Variants in SRCAP observed in about 807,000 individuals in gnomAD.
The protein encoded by SRCAP is chromatin remodeling protein SRCAP.
Under a neutral mutation model 263.1 loss-of-function variants are expected in SRCAP, and 46 were observed. The observed-to-expected ratio is 0.17, with a 90% CI of 0.14 to 0.22. The LOEUF (loss-of-function observed/expected upper bound fraction) is 0.22, where lower values mean the gene tolerates loss of function less well. Ranked by LOEUF, SRCAP falls within the 10% of genes least tolerant of loss-of-function variation. The probability of loss-of-function intolerance (pLI) is 1.00; values close to 1 mark genes in which losing one functional copy is unlikely to be tolerated. For missense variants in SRCAP, 3,695 were observed against 4,181.9 expected, an observed-to-expected ratio of 0.88 and a Z score of 3.21; for synonymous variants, 1,813 against 1,662.1, an observed-to-expected ratio of 1.09 and a Z score of -2.21.
Position 30,740,000 on chromosome 16 carries a change from T to G in SRCAP, c.*267T>G. 6 of 347,520 alleles carry G rather than the reference T, an allele frequency of 1.7e-5. No individual in the cohort carries two copies. Among genetic ancestry groups the G allele is most frequent in the Non-Finnish European group, 2.5e-5 (5 of 198,630 alleles). The allele number at this position is 347,520 out of a possible 1,614,324, so 21.5% of individuals were successfully genotyped here. A position where few individuals can be genotyped will look rare whatever the true frequency, so the allele number is the denominator to read the frequency against. On this transcript the variant is annotated 3_prime_UTR_variant, in exon 34 of 34. Transcript: ENST00000262518. ...TCTGTCCCCACCCCCTTGTACTTGA[T>G]TCCCCAGCTGTCTTTCACACAGCCC...
At position 30,734,524 on chromosome 16, in the gene SRCAP, C is replaced by A. The variant is rs2053141541; in HGVS notation, c.6638C>A (p.Pro2213His). The A allele has an allele frequency of 6.2e-7, 1 of 1,613,764 alleles. No homozygotes were observed. Among genetic ancestry groups the A allele is most frequent in the South Asian group, 1.1e-5 (1 of 91,072 alleles). The change falls in exon 31 of 34, where the codon CCC (proline) becomes CAC (histidine). Residue 2213 changes from proline (P) to histidine (H), a missense_variant. Pro to His is a moderately conservative substitution (Grantham distance 77, BLOSUM62 -2). Transcript: ENST00000262518. ...ACCATCCGAGAGCTGTTTGATATGC[C>A]CCTGGAGGAACCTTCTAGCTCATCC... Reference protein sequence around the residue: ...QQTIRELFDMPLEEPSSSSVP... With the variant: ...QQTIRELFDMHLEEPSSSSVP...
Position 30,709,002 on chromosome 16 carries a change from G to A in SRCAP, c.634-511G>A, listed in dbSNP as rs574311834. Among the ~76,000 whole-genome samples the A allele has an allele frequency of 3.6e-3, 547 of 151,970 alleles. 4 individuals are homozygous for A. Among genetic ancestry groups the A allele is most frequent in the Non-Finnish European group, 3.8e-3 (259 of 67,960 alleles). ...CCTGGCTAATTTTTTATTTTTAGTA[G>A]AGATGGGGGTTTCACCATGTCGGTC... On this transcript the variant is annotated intron_variant, in intron 6 of 33. Coordinates refer to ENST00000262518, the MANE Select transcript of SRCAP (RefSeq NM_006662.3).
chr16:30,712,609 G>A (rs2052903951), intron 13 of SRCAP, 70 bp from the exon 14 acceptor site: 2 of 1,605,502 alleles, frequency 1.2e-6, no homozygotes, highest in Non-Finnish European at 1.7e-6. Context: ...GGGTGGCCAG[G>A]GTTATAACTG....
In SRCAP at chr16:30,709,955, A is replaced by G. The variant is rs781221343; in HGVS notation, c.961A>G (p.Ile321Val). ...TGATGCAGAGGCCCAGAGGCGTGAG[A>G]TTGAGCTGCTTCGCCGTGAGGGAGA... ...GNDAEAQRRE[I>V]ELLRREGELP... Residue 321 changes from isoleucine (I) to valine (V), a missense_variant, in exon 8 of 34, where the codon ATT (isoleucine) becomes GTT (valine). Physicochemically the swap from Ile to Val is conservative, Grantham distance 29. This residue lies in a region of SRCAP where 30 missense variants were observed against 54.1 expected (regional missense o/e 0.55). Transcript: ENST00000262518. The G allele has an allele frequency of 5.0e-6, 8 of 1,614,070 alleles. No individual in the cohort carries two copies.
chr16:30,715,551 C>T (rs1365586038), intron 16 of SRCAP, among the ~76,000 whole-genome samples: 2 of 148,238 alleles, frequency 1.3e-5, no homozygotes, highest in African/African-American at 2.5e-5. Flanking sequence ...GGTGACAGAG[C>T]GCAACTTTGT....
At position 30,713,306 on chromosome 16, in the gene SRCAP, C is replaced by T. The variant is rs781030128; in HGVS notation, c.2229C>T (p.Leu743=). The T allele has an allele frequency of 1.2e-6, 2 of 1,614,160 alleles. No homozygotes were observed. The highest frequency in any genetic ancestry group is 2.2e-5 in the South Asian group (2 of 91,082). Residue 743 remains leucine, a synonymous_variant, in exon 15 of 34, where the codon CTC becomes CTT. Coordinates refer to ENST00000262518, the MANE Select transcript of SRCAP (RefSeq NM_006662.3). Reference sequence around the variant, plus strand: ...TCCGTCGCAAGAACTGGCGCTATCTCATTCTGGATGAGGCGCAGAACATCA... The same window carrying T: ...TCCGTCGCAAGAACTGGCGCTATCTTATTCTGGATGAGGCGCAGAACATCA... ...QAFRRKNWRY[L]ILDEAQNIKN... is the part of the protein sequence containing the mutation.
chr16:30,737,515 C>T lies in SRCAP; in HGVS notation c.7475C>T (p.Pro2492Leu). 1.2e-6 allele frequency: 2 copies of T among 1,603,772 alleles called. No homozygotes were observed. Among genetic ancestry groups the T allele is most frequent in the African/African-American group, 1.3e-5 (1 of 74,788 alleles). The stretch of plus-strand genomic sequence containing the variant: ...TCTCCTCCCCCTCCTTCACAGATTC[C>T]TCCTTGTTCTTCTCCTGCCTGCACC... ...LPSPPPPSQI[P>L]PCSSPACTPP... The change falls in exon 34 of 34, where the codon CCT (proline) becomes CTT (leucine). Residue 2492 changes from proline (P) to leucine (L), a missense_variant. Transcript: ENST00000262518.
Position 30,720,973 on chromosome 16 carries a change from C to A in SRCAP, c.3248C>A (p.Pro1083His). The change falls in exon 20 of 34, where the codon CCC becomes CAC. Residue 1083 changes from proline (P) to histidine (H), a missense_variant. Transcript: ENST00000262518. ...CTGCAGCCCAACAGTGGTTCTCTCC[C>A]CCAGGGTGAGTTGAAAGGGAGCCAA... is the stretch of plus-strand genomic sequence containing the variant. ...PPLQPNSGSL[P>H]QVLPSPLGVL... The A allele has an allele frequency of 6.2e-7, 1 of 1,600,522 alleles. No homozygotes were observed. The highest frequency in any genetic ancestry group is 1.1e-5 in the South Asian group (1 of 89,142).
chr16:30,699,363 C>T (rs1201190364), intron 1 of SRCAP, 121 bp downstream of exon 1: 86 of 394,454 alleles, frequency 2.2e-4, no homozygotes, highest in Non-Finnish European at 3.1e-5. Flanking sequence ...GTTCACACTG[C>T]CTGTTTCCGG....
rs754115748 is a variant in SRCAP, at chr16:30,724,902, G to A, written c.5478G>A (p.Ser1826=). ...CCCAGGCATCTTCCCTTGTGGTTTCGGCATCTGGTGCCGCTCCCTTGCCTG... is the reference window on the plus strand; with the variant it reads ...CCCAGGCATCTTCCCTTGTGGTTTCAGCATCTGGTGCCGCTCCCTTGCCTG... The part of the protein sequence containing the change: ...PASQASSLVV[S]ASGAAPLPVT... Residue 1826 remains serine, a synonymous_variant, in exon 25 of 34, where the codon TCG becomes TCA. Coordinates refer to ENST00000262518, the MANE Select transcript of SRCAP (RefSeq NM_006662.3). The A allele has an allele frequency of 6.8e-6, 11 of 1,614,030 alleles. No individual in the cohort carries two copies. The highest frequency in any genetic ancestry group is 2.7e-5 in the African/African-American group (2 of 74,910).
rs770691974 is a variant in SRCAP at position 30,738,360 on chromosome 16, G to T, written c.8320G>T (p.Ala2774Ser). ...VRRRRQQRGAASTLVPGVSET... is the reference protein window; with the variant it reads ...VRRRRQQRGASSTLVPGVSET... ...GCGGCGGCGGCAGCAGCGGGGAGCTGCCAGCACCCTAGTGCCTGGGGTCTC... is the reference window on the plus strand; with the variant it reads ...GCGGCGGCGGCAGCAGCGGGGAGCTTCCAGCACCCTAGTGCCTGGGGTCTC... Residue 2774 changes from alanine to serine, a missense_variant, in exon 34 of 34, where the codon GCC becomes TCC. By Grantham distance (99) the Ala-to-Ser change is moderately conservative. Transcript: ENST00000262518. The T allele has an allele frequency of 3.3e-5, 51 of 1,566,628 alleles. No individual in the cohort carries two copies. The highest frequency in any genetic ancestry group is 4.3e-5 in the Non-Finnish European group (50 of 1,156,358).
chr16:30,720,389 A>C lies in SRCAP; in HGVS notation c.2987+58A>C. The C allele has an allele frequency of 4.5e-6, 7 of 1,572,342 alleles. No homozygotes were observed. The South Asian group carries it at 8.0e-5, about 18-fold the overall frequency. ...TAGAATAAGTGGCTGAAAGCTGCCC[A>C]GAGGGGCCTGGGGTGGGAAGAAAAG... is the stretch of plus-strand genomic sequence containing the variant. On this transcript the variant is annotated intron_variant, in intron 19 of 33. Transcript: ENST00000262518.
intron 25 of SRCAP, among the ~76,000 whole-genome samples, chr16:30,727,577 G>A (rs1567249787): frequency 6.6e-6 from 1 of 151,914 alleles, no homozygotes; most frequent in Non-Finnish European, 1.5e-5. Context: ...TTTTTGAGAT[G>A]GAGACTCACT....
At position 30,739,201 on chromosome 16, in the gene SRCAP, C is replaced by A; in HGVS notation, c.9161C>A (p.Ser3054Tyr). 6.2e-7 allele frequency: 1 copy of A among 1,613,760 alleles called. No individual in the cohort carries two copies. Residue 3054 changes from serine to tyrosine, a missense_variant, in exon 34 of 34, where the codon TCC (serine) becomes TAC (tyrosine). This residue lies in a region of SRCAP where 1,207 missense variants were observed against 1,142.9 expected (regional missense o/e 1.06). Coordinates refer to ENST00000262518, the MANE Select transcript of SRCAP (RefSeq NM_006662.3). ...PQGQGESEGS[S>Y]SDEDGSRPLT... ...GGCCAAGGGGAGAGTGAGGGTAGTT[C>A]CTCTGATGAGGATGGAAGCCGCCCC...
At chr16:30,727,417 G>A (rs2053074155) in intron 25 of SRCAP, among the ~76,000 whole-genome samples, 1 of 152,044 alleles carries the variant, frequency 6.6e-6, no homozygotes, top group Non-Finnish European at 1.5e-5. Context: ...TTTTGAGACA[G>A]TGTCTCACTT....
intron 18 of SRCAP, among the ~76,000 whole-genome samples, chr16:30,717,601 CA>C (rs1432046771): frequency 7.1e-6 from 1 of 141,390 alleles, no homozygotes; most frequent in Non-Finnish European, 1.5e-5. Flanking sequence ...TATGCGCTAC[CA>C]AGCCTGGCTT....
At chr16:30,720,471 A>G (rs2151292523) in intron 19 of SRCAP, 140 bp downstream of exon 19, 1 of 1,113,706 alleles carries the variant, frequency 9.0e-7, no homozygotes. Flanking sequence ...GGAGGGAATC[A>G]GGGAGAGAAT....
At chr16:30,734,883 C>G (rs2053144738) in intron 31 of SRCAP, among the ~76,000 whole-genome samples, 1 of 152,116 alleles carries the variant, frequency 6.6e-6, no homozygotes, top group African/African-American at 2.4e-5. Flanking sequence ...CGTCACTCTT[C>G]TGAACCTCAC....
In SRCAP at chr16:30,724,721, A is replaced by C. The variant is rs1264427741; in HGVS notation, c.5297A>C (p.His1766Pro). The C allele has an allele frequency of 5.8e-5, 93 of 1,613,862 alleles. No homozygotes were observed. The highest frequency in any genetic ancestry group is 7.9e-5 in the Non-Finnish European group (93 of 1,179,986). Residue 1766 changes from histidine to proline, a missense_variant, in exon 25 of 34, where the codon CAC becomes CCC. His to Pro is a moderately conservative substitution (Grantham distance 77). Transcript: ENST00000262518. Reference sequence around the variant, plus strand: ...TCTCCAGTGGGCCCAGCCCCAGCTCACACGCTGACTTTGGCTCCAGCATCG... The same window carrying C: ...TCTCCAGTGGGCCCAGCCCCAGCTCCCACGCTGACTTTGGCTCCAGCATCG... ...PASPVGPAPA[H>P]TLTLAPASSS...
Sources: gnomAD v4.1 joint callset for allele counts (sites outside exome capture counted in the v4.1 genomes callset) on GRCh38, gnomAD v4.1.1 for gene constraint, gnomAD v4.1.1 regional missense constraint, MANE v1.5 for transcripts, NCBI Gene and HGNC (gene_info 2026-07-23, HGNC 2026-07-21) for gene names.